LINGO2: variants seen among roughly 807,000 people sequenced by gnomAD.
The protein encoded by LINGO2 is leucine-rich repeat and immunoglobulin-like domain-containing nogo receptor-interacting protein 2.
Under a neutral mutation model 30.6 loss-of-function variants are expected in LINGO2, and 14 were observed. That is an observed-to-expected ratio of 0.46 (90% CI 0.30 to 0.72). LINGO2 has a LOEUF of 0.72. Ranked by LOEUF, LINGO2 falls within the 30% of genes least tolerant of loss-of-function variation. The pLI, the probability that LINGO2 is intolerant of heterozygous loss-of-function variation, is 0.07. For missense variants in LINGO2, 729 were observed against 751.7 expected (o/e 0.97, Z 0.35); for synonymous variants, 317 against 288.5 (o/e 1.10, Z -1.00).
At chr9:28,586,105 A>G (rs954327435) in intron 1 of LINGO2, among the ~76,000 whole-genome samples, 1 of 152,072 alleles carries the variant, frequency 6.6e-6, no homozygotes, top group Admixed American at 6.6e-5. Context: ...GTTTTAGAAA[A>G]TGGATTTAGA....
chr9:29,151,014 T>G, the LINGO2 span, among the ~76,000 whole-genome samples: 2 of 151,854 alleles, frequency 1.3e-5, no homozygotes, highest in African/African-American at 4.8e-5. Flanking sequence ...TCTAGAGAGA[T>G]AGGTCAGGGC....
chr9:27,976,432 AGACCAAATGGTCTG>A (rs1333166539), intron 5 of LINGO2, among the ~76,000 whole-genome samples: 2 of 152,038 alleles, frequency 1.3e-5, no homozygotes, highest in Non-Finnish European at 2.9e-5. Context: ...TAGTTTTTTG[AGACCAAATGGTCTG>A]GATTAAGCAA....
intron 4 of LINGO2, among the ~76,000 whole-genome samples, chr9:28,208,976 G>A (rs562280381): frequency 2.0e-5 from 3 of 151,758 alleles, no homozygotes; most frequent in Non-Finnish European, 2.9e-5. Flanking sequence ...GTTTGTTCTT[G>A]TACAACCAAT....
At chr9:28,888,277 G>T in the LINGO2 span, among the ~76,000 whole-genome samples, 1 of 151,970 alleles carries the variant, frequency 6.6e-6, no homozygotes, top group African/African-American at 2.4e-5. Context: ...AACCTTATGT[G>T]GTTTCATGAA....
intron 1 of LINGO2, among the ~76,000 whole-genome samples, chr9:28,596,314 A>T (rs1407387230): frequency 6.6e-6 from 1 of 152,164 alleles, no homozygotes; most frequent in Non-Finnish European, 1.5e-5. Context: ...GACTTAGTCT[A>T]TTCAATAAAA....
At position 28,148,968 on chromosome 9, in the gene LINGO2, C is replaced by T. The variant is rs199660581; in HGVS notation, c.-86-136563G>A. Reference sequence around the variant, plus strand: ...CACAGTTCCCACAAAAGAAAACTGTCGGGGCCACCGCTGCAGCTGCAACCG... The same window carrying T: ...CACAGTTCCCACAAAAGAAAACTGTTGGGGCCACCGCTGCAGCTGCAACCG... On this transcript the variant is annotated intron_variant, in intron 4 of 5. Transcript: ENST00000379992. The surrounding 1 kb of genome is among the most constrained non-coding windows in gnomAD (Gnocchi z 5.1). The T allele has an allele frequency of 4.8e-3, 7,318 of 1,534,014 alleles. 65 individuals carry two copies. The highest frequency in any genetic ancestry group is 0.027 in the South Asian group (2,233 of 83,938).
intron 5 of LINGO2, among the ~76,000 whole-genome samples, chr9:27,994,903 G>C (rs894959037): frequency 3.9e-5 from 6 of 152,100 alleles, no homozygotes; most frequent in African/African-American, 1.4e-4. Flanking sequence ...TTTTCAGAGT[G>C]TACTGTCTCT....
chr9:28,242,192 G>A (rs1269137840), intron 4 of LINGO2, among the ~76,000 whole-genome samples: 2 of 152,118 alleles, frequency 1.3e-5, no homozygotes, highest in Non-Finnish European at 2.9e-5. Flanking sequence ...AAAAGAGCAT[G>A]TTCTAACCCA....
chr9:28,950,408 G>C, the LINGO2 span, among the ~76,000 whole-genome samples: 1 of 152,232 alleles, frequency 6.6e-6, no homozygotes, highest in South Asian at 2.1e-4. Context: ...AATCAGGCAA[G>C]AGAAAGAAAT....
chr9:28,640,616 A>G (rs1424974937), intron 1 of LINGO2, among the ~76,000 whole-genome samples: 1 of 151,344 alleles, frequency 6.6e-6, no homozygotes, highest in Admixed American at 6.6e-5. Flanking sequence ...AGTTGATCGA[A>G]TCGGCTACTG....
the LINGO2 span, among the ~76,000 whole-genome samples, chr9:28,676,349 C>G: frequency 6.6e-6 from 1 of 151,964 alleles, no homozygotes. Context: ...CTTCACTGAA[C>G]TGCTTAATAT....
chr9:29,098,115 A>T, the LINGO2 span, among the ~76,000 whole-genome samples: 1 of 152,216 alleles, frequency 6.6e-6, no homozygotes, highest in East Asian at 1.9e-4. Flanking sequence ...TTTATCTAGC[A>T]TAGTTGCAGG....
chr9:28,848,063 G>C, the LINGO2 span, among the ~76,000 whole-genome samples: 3 of 6,364 alleles, frequency 4.7e-4, no homozygotes, highest in Non-Finnish European at 7.9e-4. Context: ...ATATATATAT[G>C]TATATAATAT....
the LINGO2 span, among the ~76,000 whole-genome samples, chr9:28,977,554 G>A: frequency 6.6e-6 from 1 of 152,070 alleles, no homozygotes; most frequent in Non-Finnish European, 1.5e-5. Flanking sequence ...TATTTATAGT[G>A]TTATGGCACA....
intron 1 of LINGO2, among the ~76,000 whole-genome samples, chr9:28,510,169 CA>C (rs759407017): frequency 1.5e-4 from 23 of 152,212 alleles, no homozygotes; most frequent in Admixed American, 2.6e-4. Flanking sequence ...ATTCTCTAAA[CA>C]TGGTTATTAA....
chr9:28,446,591 T>C (rs1373653377), intron 2 of LINGO2, among the ~76,000 whole-genome samples: 1 of 152,328 alleles, frequency 6.6e-6, no homozygotes, highest in African/African-American at 2.4e-5. Flanking sequence ...CTTTTGACTC[T>C]ATTCACTAAT....
intron 3 of LINGO2, among the ~76,000 whole-genome samples, chr9:28,366,398 T>C (rs1027223140): frequency 2.0e-5 from 3 of 152,190 alleles, no homozygotes; most frequent in African/African-American, 7.2e-5. Context: ...ACAATAATGT[T>C]CCTTTTAATA....
At chr9:28,738,169 C>T in the LINGO2 span, among the ~76,000 whole-genome samples, 4 of 152,134 alleles carry the variant, frequency 2.6e-5, no homozygotes, top group African/African-American at 7.2e-5. Context: ...TCCAGTAGTA[C>T]TGCCTGAATA....
At chr9:29,149,743 C>G in the LINGO2 span, among the ~76,000 whole-genome samples, 11 of 152,226 alleles carry the variant, frequency 7.2e-5, no homozygotes, top group African/African-American at 2.4e-4. Flanking sequence ...TACGTGGAGC[C>G]CAAAGGGGTT....
Sources: gnomAD v4.1 joint callset for allele counts (sites outside exome capture counted in the v4.1 genomes callset) on GRCh38, gnomAD v4.1.1 for gene constraint, Gnocchi (gnomAD v3.1) non-coding constraint, MANE v1.5 for transcripts, NCBI Gene and HGNC (gene_info 2026-07-23, HGNC 2026-07-21) for gene names.